The following AMOTL1 variants were observed in gnomAD, a reference collection of about 807,000 sequenced individuals.
AMOTL1 encodes angiomotin like 1, also known as angiomotin-like protein 1.
A neutral mutation model predicts 102.9 loss-of-function variants in AMOTL1; 45 were observed. That is an observed-to-expected ratio of 0.44 (90% CI 0.34 to 0.56). The LOEUF is 0.56. Ranked by LOEUF, AMOTL1 falls within the 20% of genes least tolerant of loss-of-function variation. AMOTL1 has a pLI of 0.01. For missense variants in AMOTL1, 1,114 were observed against 1,225.6 expected, an observed-to-expected ratio of 0.91 and a Z score of 1.36; for synonymous variants, 481 against 484.7, an observed-to-expected ratio of 0.99 and a Z score of 0.10.
At chr11:94,796,767 CT>C (rs1468572798) in intron 2 of AMOTL1, among the ~76,000 whole-genome samples, 2 of 152,174 alleles carry the variant, frequency 1.3e-5, no homozygotes, top group African/African-American at 4.8e-5. Context: ...CTGCTGTCAC[CT>C]TTTTTTCATA....
intron 3 of AMOTL1, among the ~76,000 whole-genome samples, chr11:94,741,395 G>C (rs911449523): frequency 3.3e-5 from 5 of 152,164 alleles, no homozygotes; most frequent in Non-Finnish European, 7.3e-5. Flanking sequence ...CAAGTACCTG[G>C]CACGAGAAGG....
intron 3 of AMOTL1, among the ~76,000 whole-genome samples, chr11:94,815,725 T>C (rs1408341629): frequency 6.6e-6 from 1 of 152,062 alleles, no homozygotes; most frequent in African/African-American, 2.4e-5. Flanking sequence ...AAAAGCATTG[T>C]AAAGAAAATT....
At chr11:94,780,940 T>A (rs1951101333) in intron 1 of AMOTL1, among the ~76,000 whole-genome samples, 1 of 152,146 alleles carries the variant, frequency 6.6e-6, no homozygotes, top group East Asian at 1.9e-4. Context: ...TCCTCTATCT[T>A]TTTTTGTTCT....
At chr11:94,734,786 G>A (rs61893465) in intron 2 of AMOTL1, among the ~76,000 whole-genome samples, 9,781 of 152,242 alleles carry the variant, frequency 0.064, 390 homozygotes, top group Middle Eastern at 0.088. Flanking sequence ...AGGAAGGAGA[G>A]GAAGGCAGAG....
intron 3 of AMOTL1, among the ~76,000 whole-genome samples, chr11:94,808,958 TTTC>T (rs1380704465): frequency 1.5e-5 from 2 of 137,624 alleles, no homozygotes; most frequent in Non-Finnish European, 3.1e-5. Flanking sequence ...AATTCTTTTC[TTTC>T]TTTCTTTTTT....
At chr11:94,736,603 C>T (rs1282724549) in intron 2 of AMOTL1, among the ~76,000 whole-genome samples, 3 of 152,218 alleles carry the variant, frequency 2.0e-5, no homozygotes, top group Non-Finnish European at 4.4e-5. Context: ...TGTGCCTGGT[C>T]TGTCTCATAC....
intron 1 of AMOTL1, among the ~76,000 whole-genome samples, chr11:94,713,580 C>T (rs1039889450): frequency 5.3e-5 from 8 of 151,678 alleles, no homozygotes; most frequent in African/African-American, 1.9e-4. Context: ...TTTCAATATA[C>T]AGATTCTGTA....
chr11:94,727,952 G>A (rs1591900408), intron 1 of AMOTL1, among the ~76,000 whole-genome samples: 1 of 152,176 alleles, frequency 6.6e-6, no homozygotes, highest in South Asian at 2.1e-4. Flanking sequence ...AGTCTGGCAG[G>A]CAATGCAGGA....
chr11:94,806,503 G>T (rs534211727), intron 3 of AMOTL1, among the ~76,000 whole-genome samples: 1 of 152,314 alleles, frequency 6.6e-6, no homozygotes, highest in African/African-American at 2.4e-5. Flanking sequence ...TAAAAATGAT[G>T]CATTGCCCTT....
chr11:94,826,587 C>T (rs772839715), intron 4 of AMOTL1, among the ~76,000 whole-genome samples: 19 of 152,142 alleles, frequency 1.2e-4, no homozygotes, highest in Non-Finnish European at 1.8e-4. Flanking sequence ...GTGAAGAGCA[C>T]GTCCTTCTTC....
chr11:94,800,028 C>A lies in AMOTL1; in HGVS notation c.838C>A (p.Pro280Thr). 6.2e-7 allele frequency: 1 copy of A among 1,614,016 alleles called. No homozygotes were observed. The highest frequency in any genetic ancestry group is 8.5e-7 in the Non-Finnish European group (1 of 1,179,888). The change falls in exon 3 of 13, where the codon CCC becomes ACC. Residue 280 changes from proline (P) to threonine (T), a missense_variant. By Grantham distance (38) the Pro-to-Thr change is conservative. Coordinates refer to ENST00000433060, the MANE Select transcript of AMOTL1 (RefSeq NM_130847.3). ...GAGGAATGGGGCCAAGCAACACCTT[C>A]CCGGCTCGGGGAATGGAAAGGGCTT... ...LERNGAKQHL[P>T]GSGNGKGFKV...
intron 1 of AMOTL1, among the ~76,000 whole-genome samples, chr11:94,779,723 T>C (rs549863133): frequency 6.6e-6 from 1 of 152,310 alleles, no homozygotes; most frequent in African/African-American, 2.4e-5. Context: ...GTCACATTGA[T>C]TTAGACATTT....
At chr11:94,780,893 A>G (rs1285823942) in intron 1 of AMOTL1, among the ~76,000 whole-genome samples, 1 of 152,202 alleles carries the variant, frequency 6.6e-6, no homozygotes, top group Non-Finnish European at 1.5e-5. Context: ...AACAGAAAGT[A>G]TGGCATGTCC....
rs1383596213 is a variant in AMOTL1, at chr11:94,800,080, C to G, written c.890C>G (p.Ala297Gly). ...AAAGTAGGAGGGGGGCCCTCCCCTG[C>G]CCAGCCTGCAGGTAAAGTGCTGGAC... ...GFKVGGGPSP[A>G]QPAGKVLDPR... The change falls in exon 3 of 13, where the codon GCC becomes GGC. Residue 297 changes from alanine (A) to glycine (G), a missense_variant. Ala to Gly is a moderately conservative substitution (Grantham distance 60). Transcript: ENST00000433060. 1 of 1,613,764 alleles carries G rather than the reference C, an allele frequency of 6.2e-7. No individual in the cohort carries two copies. Among genetic ancestry groups the G allele is most frequent in the African/African-American group, 1.3e-5 (1 of 74,940 alleles).
At chr11:94,769,509 TGCGCAAAGCTCCC>T (rs1467482026) in intron 1 of AMOTL1, among the ~76,000 whole-genome samples, 1 of 152,226 alleles carries the variant, frequency 6.6e-6, no homozygotes, top group Non-Finnish European at 1.5e-5. Flanking sequence ...CCCGGGTATC[TGCGCAAAGCTCCC>T]GCGCCTCGCC....
At chr11:94,769,122 C>G (rs1170599180) in intron 1 of AMOTL1, among the ~76,000 whole-genome samples, 1 of 152,194 alleles carries the variant, frequency 6.6e-6, no homozygotes, top group Non-Finnish European at 1.5e-5. Flanking sequence ...AGCTGCTGCT[C>G]CTTCTTTGTT....
chr11:94,848,577 G>A (rs1952467967), intron 6 of AMOTL1, among the ~76,000 whole-genome samples: 1 of 152,194 alleles, frequency 6.6e-6, no homozygotes, highest in South Asian at 2.1e-4. Context: ...ATTGTACTGG[G>A]ACATCAGGAA....
rs557007289 is a variant in AMOTL1 at position 94,810,449 on chromosome 11, AC to A, written c.1121+10139del. Among the ~76,000 whole-genome samples, 615 of 148,776 alleles carry A rather than the reference AC, an allele frequency of 4.1e-3. 12 individuals carry two copies. The highest frequency in any genetic ancestry group is 0.033 in the South Asian group (157 of 4,738). On this transcript the variant is annotated intron_variant, in intron 3 of 12. Transcript: ENST00000433060. ...AAGTGTCTAAACTACTCTCTTTCTT[AC>A]TTTAAACACCCCAGAGTAATCTCTG...
intron 11 of AMOTL1, 81 bp downstream of exon 11, chr11:94,866,249 G>A (rs1306318995): frequency 5.8e-6 from 8 of 1,373,260 alleles, no homozygotes; most frequent in Non-Finnish European, 8.1e-6. Flanking sequence ...ACACGGAAAT[G>A]TCCCTGAATA....
Sources: gnomAD v4.1 joint callset for allele counts (sites outside exome capture counted in the v4.1 genomes callset) on GRCh38, gnomAD v4.1.1 for gene constraint, MANE v1.5 for transcripts, NCBI Gene and HGNC (gene_info 2026-07-23, HGNC 2026-07-21) for gene names.